The following CCDC102B variants were observed in gnomAD, a reference collection of about 807,000 sequenced individuals.
The protein encoded by CCDC102B is coiled-coil domain containing 102B, also known as coiled-coil domain-containing protein 102B.
Under a neutral mutation model 57.4 loss-of-function variants are expected in CCDC102B, and 75 were observed. The ratio of observed to expected loss-of-function variants is 1.31; its 90% CI spans 1.08 to 1.58. The LOEUF is 1.58. Ranked by LOEUF, CCDC102B falls within the 40% of genes most tolerant of loss-of-function variation. CCDC102B has a pLI of 0.00. For missense variants in CCDC102B, 636 were observed against 582.6 expected (o/e 1.09, Z -0.94); for synonymous variants, 206 against 201.9 (o/e 1.02, Z -0.17).
At chr18:68,842,099 A>G (rs2037661475) in intron 3 of CCDC102B, among the ~76,000 whole-genome samples, 1 of 151,936 alleles carries the variant, frequency 6.6e-6, no homozygotes, top group Admixed American at 6.6e-5. Flanking sequence ...TTAAATGTTC[A>G]ATTTTTTTCT....
At chr18:68,814,460 A>T (rs1008427590) in intron 1 of CCDC102B, among the ~76,000 whole-genome samples, 1 of 152,146 alleles carries the variant, frequency 6.6e-6, no homozygotes, top group Admixed American at 6.5e-5. Context: ...AAACATTATT[A>T]TAGGACTTTG....
chr18:68,922,891 T>C (rs555145765), intron 6 of CCDC102B, among the ~76,000 whole-genome samples: 1 of 152,220 alleles, frequency 6.6e-6, no homozygotes, highest in Admixed American at 6.5e-5. Flanking sequence ...TAATCTTGGG[T>C]ATAAATTTTA....
At chr18:68,889,749 T>C (rs1235633961) in intron 5 of CCDC102B, among the ~76,000 whole-genome samples, 1 of 152,156 alleles carries the variant, frequency 6.6e-6, no homozygotes, top group Non-Finnish European at 1.5e-5. Context: ...AAATTAGTGT[T>C]GTTTTAAGCT....
At chr18:68,946,869 G>T (rs910670725) in intron 6 of CCDC102B, among the ~76,000 whole-genome samples, 4 of 151,944 alleles carry the variant, frequency 2.6e-5, no homozygotes, top group Non-Finnish European at 5.9e-5. Flanking sequence ...TATTCTGTGA[G>T]GGGAATAATG....
At chr18:68,956,569 ATTT>A (rs371323548) in intron 6 of CCDC102B, among the ~76,000 whole-genome samples, 1 of 5,012 alleles carries the variant, frequency 2.0e-4, no homozygotes. Context: ...TATATTATAT[ATTT>A]TATATATATA....
At chr18:69,041,616 G>A (rs2052436842) in intron 7 of CCDC102B, among the ~76,000 whole-genome samples, 1 of 151,972 alleles carries the variant, frequency 6.6e-6, no homozygotes, top group African/African-American at 2.4e-5. Context: ...TTACATGCCT[G>A]GAGTCTGACC....
intron 5 of CCDC102B, among the ~76,000 whole-genome samples, chr18:68,884,991 A>G (rs1425969317): frequency 6.6e-6 from 1 of 151,924 alleles, no homozygotes. Flanking sequence ...GGCATACCTT[A>G]AATATATACA....
intron 4 of CCDC102B, among the ~76,000 whole-genome samples, chr18:68,858,583 G>C (rs1311154366): frequency 6.6e-6 from 1 of 152,092 alleles, no homozygotes; most frequent in Non-Finnish European, 1.5e-5. Flanking sequence ...TTCTCACTAG[G>C]GTGGGCTATT....
chr18:68,853,672 T>TAAAAAAAAAAAACAAAA (rs2038242005), intron 4 of CCDC102B, among the ~76,000 whole-genome samples: 1 of 94,680 alleles, frequency 1.1e-5, no homozygotes, highest in Non-Finnish European at 2.0e-5. Flanking sequence ...CCCCAAATTG[T>TAAAAAAAAAAAACAAAA]AAAAAAAAAA....
At chr18:68,807,984 A>T (rs1396175021) in intron 1 of CCDC102B, among the ~76,000 whole-genome samples, 1 of 152,154 alleles carries the variant, frequency 6.6e-6, no homozygotes, top group Admixed American at 6.5e-5. Context: ...GGATTTGAGC[A>T]ACTAATCTTC....
At position 68,956,494 on chromosome 18, in the gene CCDC102B, TAAAA is replaced by T. The variant is rs2049885495; in HGVS notation, c.1264-54439_1264-54436del. ...ATATTATATATATATAATATATATA[TAAAA>T]TATATAATATATATATCGCATATTA... On this transcript the variant is annotated intron_variant, in intron 6 of 7. Coordinates refer to ENST00000360242, the MANE Select transcript of CCDC102B (RefSeq NM_024781.3). 3.4e-5 allele frequency among the ~76,000 whole-genome samples: 2 copies of T among 58,736 alleles called. 1 individual carries two copies. The highest frequency in any genetic ancestry group is 2.6e-4 in the African/African-American group (2 of 7,784). 38.5% of individuals were successfully genotyped at this position (58,736 alleles called of 152,430 possible).
rs540474661 is a variant in CCDC102B at position 68,992,493 on chromosome 18, A to G, written c.1264-18441A>G. Among the ~76,000 whole-genome samples the G allele has an allele frequency of 1.5e-4, 23 of 152,290 alleles. No individual in the cohort carries two copies. In the South Asian group the frequency reaches 2.7e-3, roughly 18 times the overall value. On this transcript the variant is annotated intron_variant, in intron 6 of 7. Transcript: ENST00000360242. ...GATCGAATCGCCCGGAAGATTTTCA[A>G]TGAACAATGATCCAAGTGTCACCTT...
chr18:68,839,688 T>G (rs891910144), intron 3 of CCDC102B, among the ~76,000 whole-genome samples: 2 of 152,158 alleles, frequency 1.3e-5, no homozygotes, highest in Admixed American at 6.5e-5. Context: ...TGGCAGTCCA[T>G]CTCGGTTTTC....
chr18:68,930,661 G>A (rs900012959), intron 6 of CCDC102B, among the ~76,000 whole-genome samples: 1 of 151,902 alleles, frequency 6.6e-6, no homozygotes, highest in African/African-American at 2.4e-5. Flanking sequence ...TGTGGTCTAC[G>A]TGCTATAACT....
At chr18:68,779,567 A>T (rs1371980533) in intron 2 of CCDC102B, among the ~76,000 whole-genome samples, 1 of 152,168 alleles carries the variant, frequency 6.6e-6, no homozygotes. Context: ...CATTATATTT[A>T]TAAATAAATT....
intron 1 of CCDC102B, among the ~76,000 whole-genome samples, chr18:68,821,606 A>G (rs1014827254): frequency 1.5e-4 from 23 of 151,804 alleles, no homozygotes; most frequent in Admixed American, 2.6e-4. Context: ...CAGGCAGCAG[A>G]ATAATAAACC....
chr18:68,898,311 C>A (rs2040313991), intron 6 of CCDC102B, among the ~76,000 whole-genome samples: 1 of 151,962 alleles, frequency 6.6e-6, no homozygotes, highest in Non-Finnish European at 1.5e-5. Flanking sequence ...ACCTAAATGG[C>A]CAGAAAAATT....
intron 3 of CCDC102B, among the ~76,000 whole-genome samples, chr18:68,843,583 G>C (rs2037729895): frequency 6.6e-6 from 1 of 151,868 alleles, no homozygotes; most frequent in Non-Finnish European, 1.5e-5. Context: ...TTCTATTTTA[G>C]ATTCTACAAA....
chr18:68,829,969 C>T lies in CCDC102B; in HGVS notation c.-15-6780C>T, dbSNP rs1018348708. Among the ~76,000 whole-genome samples, 10 of 151,906 alleles carry T rather than the reference C, an allele frequency of 6.6e-5. No individual in the cohort carries two copies. The East Asian group carries it at 7.7e-4, about 12-fold the overall frequency. ...AATTCCCTGATCTTGATGATACAACCGTCCTTCTCTTAGTACCACCTAGTT... is the reference window on the plus strand; with the variant it reads ...AATTCCCTGATCTTGATGATACAACTGTCCTTCTCTTAGTACCACCTAGTT... On this transcript the variant is annotated intron_variant, in intron 1 of 7. Coordinates refer to ENST00000360242, the MANE Select transcript of CCDC102B (RefSeq NM_024781.3).
Sources: allele counts gnomAD v4.1 joint callset (sites outside exome capture counted in the v4.1 genomes callset), GRCh38; gene constraint gnomAD v4.1.1; transcripts MANE v1.5; gene names NCBI Gene and HGNC (gene_info 2026-07-23, HGNC 2026-07-21).